Variants in CHD1 observed in about 807,000 individuals in gnomAD.
CHD1 encodes ATP-dependent chromatin remodeler CHD1.
CHD1 carries 36 observed loss-of-function variants against 224.2 expected under a neutral mutation model. That is an observed-to-expected ratio of 0.16 (90% CI 0.12 to 0.21). The LOEUF is 0.21. Among genes scored for constraint, CHD1 ranks in the 10% least tolerant of loss-of-function variants. CHD1 has a pLI of 1.00. For missense variants in CHD1, 1,378 were observed against 1,994.8 expected (o/e 0.69, Z 5.89); for synonymous variants, 668 against 658.3 (o/e 1.01, Z -0.23).
In CHD1 at chr5:98,873,584, T is replaced by C; in HGVS notation, c.3571+9A>G. The C allele has an allele frequency of 6.3e-7, 1 of 1,576,302 alleles. No homozygotes were observed. The highest frequency in any genetic ancestry group is 8.6e-7 in the Non-Finnish European group (1 of 1,164,940). On this transcript the variant is annotated intron_variant, in intron 26 of 35. Transcript: ENST00000614616. ...CTTCTCTTTTAAATCACTCTCAGTT[T>C]AATGTTACCTGTTCGTTCTGTTCCT...
chr5:98,873,781 A>G, intron 25 of CHD1, 58 bp from the exon 26 acceptor site: 2 of 1,508,920 alleles, frequency 1.3e-6, no homozygotes, highest in Non-Finnish European at 1.8e-6. Context: ...GTGCCATTTA[A>G]GATTAAGTTT....
Position 98,854,231 on chromosome 5 carries a change from CTA to C in CHD1, c.*2147_*2148del, listed in dbSNP as rs1207859047. ...TCATTTGATAAATGTACATACAGTT[CTA>C]TATTTTTCATTCAACTCAGCTAACT... On this transcript the variant is annotated 3_prime_UTR_variant, in exon 36 of 36. Coordinates refer to ENST00000614616, the MANE Select transcript of CHD1 (RefSeq NM_001270.4). 2.6e-5 allele frequency: 4 copies of C among 151,968 alleles called. No homozygotes were observed. Among genetic ancestry groups the C allele is most frequent in the African/African-American group, 9.7e-5 (4 of 41,418 alleles). 9.4% of individuals were successfully genotyped at this position (151,968 alleles called of 1,614,324 possible).
intron 22 of CHD1, among the ~76,000 whole-genome samples, chr5:98,880,664 T>C (rs547874602): frequency 6.6e-6 from 1 of 152,352 alleles, no homozygotes; most frequent in East Asian, 1.9e-4. Context: ...TAGTAGCTTA[T>C]TGCTTACTTT....
At chr5:98,896,946 T>C (rs998873756) in intron 11 of CHD1, among the ~76,000 whole-genome samples, 3 of 152,094 alleles carry the variant, frequency 2.0e-5, no homozygotes, top group African/African-American at 4.8e-5. Flanking sequence ...AGAACAGATA[T>C]GCATTTTGAT....
chr5:98,883,271 T>G, intron 18 of CHD1, 34 bp from the exon 19 acceptor site: 1 of 1,470,270 alleles, frequency 6.8e-7, no homozygotes, highest in African/African-American at 1.4e-5. Context: ...ATGAAAAATT[T>G]TTCAATTGAT....
At position 98,926,923 on chromosome 5, in the gene CHD1, G is replaced by GGGT. The variant is rs1284565758; in HGVS notation, c.-148-390_-148-389insACC. Reference sequence around the variant, plus strand: ...ACTTGGTCGAATAAATGAAGTGGGGGGGGGGGTGGGAGGAGGTTACCTTTA... The same window carrying GGGT: ...ACTTGGTCGAATAAATGAAGTGGGGGGGTGGGGGGTGGGAGGAGGTTACCTTTA... On this transcript the variant is annotated intron_variant, in intron 1 of 35. Coordinates refer to ENST00000614616, the MANE Select transcript of CHD1 (RefSeq NM_001270.4). Among the ~76,000 whole-genome samples the GGGT allele has an allele frequency of 1.7e-5, 2 of 115,152 alleles. 1 individual carries two copies. The highest frequency in any genetic ancestry group is 6.7e-5 in the African/African-American group (2 of 29,674). The allele number at this position is 115,152 out of a possible 152,430, so 75.5% of individuals were successfully genotyped here.
intron 15 of CHD1, among the ~76,000 whole-genome samples, chr5:98,891,076 G>C (rs1239932168): frequency 2.0e-5 from 3 of 151,998 alleles, no homozygotes; most frequent in Non-Finnish European, 2.9e-5. Flanking sequence ...TTTTAAAGTG[G>C]GTTATTTATT....
intron 24 of CHD1, among the ~76,000 whole-genome samples, chr5:98,876,080 C>T (rs1749725979): frequency 6.6e-6 from 1 of 152,066 alleles, no homozygotes. Flanking sequence ...TCATAAACAC[C>T]GTGAGAATTT....
intron 2 of CHD1, among the ~76,000 whole-genome samples, chr5:98,912,335 T>C (rs1012946258): frequency 1.3e-5 from 2 of 152,142 alleles, no homozygotes; most frequent in African/African-American, 4.8e-5. Context: ...TTAACAAAAC[T>C]TTTTAAAAAA....
Position 98,898,319 on chromosome 5 carries a change from T to C in CHD1, c.1302A>G (p.Gln434=). The C allele has an allele frequency of 6.2e-7, 1 of 1,602,348 alleles. No homozygotes were observed. Among genetic ancestry groups the C allele is most frequent in the African/African-American group, 1.3e-5 (1 of 74,776 alleles). Residue 434 remains glutamine, a synonymous_variant, in exon 10 of 36, where the codon CAA becomes CAG. Coordinates refer to ENST00000614616, the MANE Select transcript of CHD1 (RefSeq NM_001270.4). Reference sequence around the variant, plus strand: ...TGCTAAAATACTCATCAATGCATGCTTGAAACTTTTTGGAAATGAGAGCTC... The same window carrying C: ...TGCTAAAATACTCATCAATGCATGCCTGAAACTTTTTGGAAATGAGAGCTC... The part of the protein sequence containing the change: ...EDGALISKKF[Q]ACIDEYFSRN...
chr5:98,918,053 A>AG (rs1752855165), intron 2 of CHD1, among the ~76,000 whole-genome samples: 1 of 143,382 alleles, frequency 7.0e-6, no homozygotes, highest in African/African-American at 2.8e-5. Context: ...ACTAAGTCAC[A>AG]GAAAAACTTT....
At chr5:98,915,094 T>C (rs571143237) in intron 2 of CHD1, among the ~76,000 whole-genome samples, 7 of 152,340 alleles carry the variant, frequency 4.6e-5, no homozygotes, top group African/African-American at 1.7e-4. Context: ...CCATGACCTA[T>C]ATAATACATT....
chr5:98,869,842 T>A lies in CHD1; in HGVS notation c.4019A>T (p.Lys1340Ile). 1.2e-6 allele frequency: 2 copies of A among 1,608,544 alleles called. No homozygotes were observed. Among genetic ancestry groups the A allele is most frequent in the Non-Finnish European group, 8.5e-7 (1 of 1,175,278 alleles). ...KRRKARAKKN[K>I]AMKSIKVKEE... ...TTTCACTTTTATAGACTTCATTGCT[T>A]TATTCTTCTTAGCTCTTGCTTTTCT... Residue 1340 changes from lysine to isoleucine, a missense_variant, in exon 30 of 36, where the codon AAA (lysine) becomes ATA (isoleucine). Physicochemically the swap from Lys to Ile is moderately radical, Grantham distance 102. Around this residue, in one of 16 missense-constraint regions of CHD1, gnomAD observed 105 missense variants for 93.4 expected, o/e 1.12. Transcript: ENST00000614616.
At chr5:98,908,280 AC>A (rs983149759) in intron 2 of CHD1, among the ~76,000 whole-genome samples, 42 of 152,030 alleles carry the variant, frequency 2.8e-4, no homozygotes, top group Non-Finnish European at 5.9e-4. Context: ...TTTGAGTCCC[AC>A]CTCACAGCTA....
intron 9 of CHD1, 60 bp downstream of exon 9, chr5:98,898,604 C>T (rs1424739232): frequency 7.7e-7 from 1 of 1,304,776 alleles, no homozygotes; most frequent in Non-Finnish European, 1.1e-6. Flanking sequence ...AAACTTATGA[C>T]TTTTTTCAGA....
At chr5:98,928,358 C>G (rs1039292422) in intron 1 of CHD1, among the ~76,000 whole-genome samples, 181 bp downstream of exon 1, 3 of 152,070 alleles carry the variant, frequency 2.0e-5, no homozygotes, top group East Asian at 3.9e-4. Flanking sequence ...CCGGCCTGTA[C>G]TCGCCGCTCA....
At chr5:98,869,058 C>T in intron 30 of CHD1, 1 of 893,132 alleles carries the variant, frequency 1.1e-6, no homozygotes, top group Non-Finnish European at 1.3e-6. Flanking sequence ...GCTTCTTTTA[C>T]TTTGTTTTCT....
intron 31 of CHD1, among the ~76,000 whole-genome samples, chr5:98,865,247 C>T (rs1035391739): frequency 2.0e-5 from 3 of 152,160 alleles, no homozygotes; most frequent in Non-Finnish European, 4.4e-5. Context: ...ATGCCAGTGT[C>T]GCTGGAACCA....
intron 2 of CHD1, among the ~76,000 whole-genome samples, chr5:98,914,443 A>G (rs1752615091): frequency 6.6e-6 from 1 of 152,204 alleles, no homozygotes; most frequent in Non-Finnish European, 1.5e-5. Flanking sequence ...TACATACACA[A>G]TTTTAACTCA....
Sources: gnomAD v4.1 joint callset for allele counts (sites outside exome capture counted in the v4.1 genomes callset) on GRCh38, gnomAD v4.1.1 for gene constraint, gnomAD v4.1.1 regional missense constraint, MANE v1.5 for transcripts, NCBI Gene and HGNC (gene_info 2026-07-23, HGNC 2026-07-21) for gene names.